PIN1: variants seen among roughly 807,000 people sequenced by gnomAD.
PIN1 encodes peptidylprolyl cis/trans isomerase, NIMA-interacting 1.
Under a neutral mutation model 19.9 loss-of-function variants are expected in PIN1, and 8 were observed. That is an observed-to-expected ratio of 0.40 (90% CI 0.24 to 0.72). The LOEUF (loss-of-function observed/expected upper bound fraction) is 0.72, where lower values mean the gene tolerates loss of function less well. PIN1 is among the 30% of genes least tolerant of loss of function. The pLI is 0.37. For missense variants in PIN1, 185 were observed against 226.5 expected, an observed-to-expected ratio of 0.82 and a Z score of 1.18; for synonymous variants, 86 against 90.8, an observed-to-expected ratio of 0.95 and a Z score of 0.30.
intron 1 of PIN1, 71 bp downstream of exon 1, chr19:9,835,473 G>C: frequency 5.4e-6 from 6 of 1,109,260 alleles, no homozygotes; most frequent in Non-Finnish European, 7.2e-6. Flanking sequence ...TCGCCCCTTG[G>C]GCGCGGCGGC....
Position 9,848,212 on chromosome 19 carries a change from G to A in PIN1, c.382+72G>A, listed in dbSNP as rs765604593. 7 of 876,474 alleles carry A rather than the reference G, an allele frequency of 8.0e-6. No homozygotes were observed. The East Asian group carries it at 1.8e-4, about 22-fold the overall frequency. The allele number at this position is 876,474 out of a possible 1,614,324, so 54.3% of individuals were successfully genotyped here. ...TGAGGGGTAGAGGCCAGGAGGGTCT[G>A]GGCATTGGGCTCCCAGGTGCCACAC... On this transcript the variant is annotated intron_variant, in intron 3 of 3. Transcript: ENST00000247970.
chr19:9,847,706 A>G (rs59557586), intron 2 of PIN1, among the ~76,000 whole-genome samples: 645 of 50,402 alleles, frequency 0.013, 4 homozygotes, highest in African/African-American at 0.026. Context: ...GTGTGTGTGC[A>G]TGTGTGTGTG....
At position 9,849,365 on chromosome 19, in the gene PIN1, T is replaced by C. The variant is rs1599457218; in HGVS notation, c.*166T>C. Reference sequence around the variant, plus strand: ...GGGGGCCCTTCCAGATTGGGGGCCCTGGGGTCCCCACTCCCTGTCCATCCC... The same window carrying C: ...GGGGGCCCTTCCAGATTGGGGGCCCCGGGGTCCCCACTCCCTGTCCATCCC... On this transcript the variant is annotated 3_prime_UTR_variant, in exon 4 of 4. Transcript: ENST00000247970. The C allele has an allele frequency of 1.4e-6, 1 of 711,316 alleles. No individual in the cohort carries two copies. Among genetic ancestry groups the C allele is most frequent in the Non-Finnish European group, 2.6e-6 (1 of 391,420 alleles). The allele number at this position is 711,316 out of a possible 1,614,324, so 44.1% of individuals were successfully genotyped here.
In PIN1 at chr19:9,839,785, G is replaced by C. The variant is rs983806593; in HGVS notation, c.271+1137G>C. On this transcript the variant is annotated intron_variant, in intron 2 of 3. Coordinates refer to ENST00000247970, the MANE Select transcript of PIN1 (RefSeq NM_006221.4). ...CCCACCCTGTGCGGGAGGATCACTTGAGCCCAGGAGTTTGAGACCAGCTTG... is the reference window on the plus strand; with the variant it reads ...CCCACCCTGTGCGGGAGGATCACTTCAGCCCAGGAGTTTGAGACCAGCTTG... Among the ~76,000 whole-genome samples the C allele has an allele frequency of 7.2e-5, 11 of 152,170 alleles. No homozygotes were observed. In the East Asian group the frequency reaches 2.1e-3, roughly 29 times the overall value.
At chr19:9,847,987 C>G (rs571699083) in intron 2 of PIN1, 43 bp from the exon 3 acceptor site, 38 of 1,301,098 alleles carry the variant, frequency 2.9e-5, no homozygotes, top group African/African-American at 7.3e-5. Context: ...CAGGCCCCCC[C>G]CAACCCCTGA....
At chr19:9,847,134 G>A (rs2046226747) in intron 2 of PIN1, among the ~76,000 whole-genome samples, 1 of 152,086 alleles carries the variant, frequency 6.6e-6, no homozygotes, top group Non-Finnish European at 1.5e-5. Context: ...GCACAAGACT[G>A]CATACACACA....
In PIN1 at chr19:9,846,472, G is replaced by A. The variant is rs145266129; in HGVS notation, c.272-1558G>A. On this transcript the variant is annotated intron_variant, in intron 2 of 3. Coordinates refer to ENST00000247970, the MANE Select transcript of PIN1 (RefSeq NM_006221.4). The surrounding 1 kb of genome is among the most constrained non-coding windows in gnomAD (Gnocchi z 5.9). ...CACAGGGATGTCAGGGCAGCAGGTC[G>A]TGGTGACATCCAGCTCAGATACCAG... 7.7e-4 allele frequency among the ~76,000 whole-genome samples: 117 copies of A among 152,310 alleles called. No homozygotes were observed. Among genetic ancestry groups the A allele is most frequent in the Non-Finnish European group, 1.4e-3 (94 of 68,018 alleles).
Position 9,838,252 on chromosome 19 carries a change from G to C in PIN1, c.59-184G>C, listed in dbSNP as rs992342737. Reference sequence around the variant, plus strand: ...CTAGAATGTTAGCTCTCTAAGGGCAGGGACTGTATCCTGCCACATTGGCCC... The same window carrying C: ...CTAGAATGTTAGCTCTCTAAGGGCACGGACTGTATCCTGCCACATTGGCCC... On this transcript the variant is annotated intron_variant, in intron 1 of 3. Coordinates refer to ENST00000247970, the MANE Select transcript of PIN1 (RefSeq NM_006221.4). This position sits in a 1 kb window ranked among gnomAD's most constrained non-coding sequence, Gnocchi z 5.8. 1.5e-6 allele frequency: 1 copy of C among 670,968 alleles called. No individual in the cohort carries two copies. Among genetic ancestry groups the C allele is most frequent in the Admixed American group, 2.2e-5 (1 of 45,856 alleles). The allele number at this position is 670,968 out of a possible 1,614,324, so 41.6% of individuals were successfully genotyped here. A position where few individuals can be genotyped will look rare whatever the true frequency, so the allele number is the denominator to read the frequency against.
At chr19:9,842,630 C>T (rs2145414055) in intron 2 of PIN1, among the ~76,000 whole-genome samples, 1 of 152,340 alleles carries the variant, frequency 6.6e-6, no homozygotes, top group East Asian at 1.9e-4. Context: ...CACACGACCT[C>T]CCTCTCCTGG....
intron 2 of PIN1, among the ~76,000 whole-genome samples, chr19:9,845,061 T>C (rs1351213159): frequency 6.6e-6 from 1 of 152,060 alleles, no homozygotes; most frequent in African/African-American, 2.4e-5. Context: ...GGGAGGCTTC[T>C]TGGGGAGACC....
intron 2 of PIN1, 110 bp from the exon 3 acceptor site, chr19:9,847,920 C>A: frequency 1.3e-6 from 1 of 748,406 alleles, no homozygotes; most frequent in Non-Finnish European, 2.4e-6. Context: ...GGAGGCTTTC[C>A]AACTGAAGTG....
chr19:9,839,389 C>G (rs1012225358), intron 2 of PIN1, among the ~76,000 whole-genome samples: 9 of 148,660 alleles, frequency 6.1e-5, no homozygotes, highest in Non-Finnish European at 1.2e-4. Context: ...CCACTCCAGC[C>G]TGGGCAGCAA....
intron 2 of PIN1, among the ~76,000 whole-genome samples, chr19:9,841,115 T>G (rs1011384663): frequency 6.6e-6 from 1 of 152,190 alleles, no homozygotes; most frequent in African/African-American, 2.4e-5. Context: ...GGCTGTTGTT[T>G]TACTCTCTCA....
intron 2 of PIN1, among the ~76,000 whole-genome samples, chr19:9,845,190 G>A (rs2046207730): frequency 1.3e-5 from 2 of 152,112 alleles, no homozygotes. Flanking sequence ...AAGACACACA[G>A]GACCAAACCC....
At chr19:9,847,386 C>G (rs1418278409) in intron 2 of PIN1, among the ~76,000 whole-genome samples, 1 of 152,172 alleles carries the variant, frequency 6.6e-6, no homozygotes, top group African/African-American at 2.4e-5. Context: ...AGCATGCAGA[C>G]TGTAGGTGGG....
rs189707469 is a variant in PIN1, at chr19:9,839,657, T to C, written c.271+1009T>C. Among the ~76,000 whole-genome samples the C allele has an allele frequency of 5.6e-4, 85 of 152,344 alleles. No individual in the cohort carries two copies. The East Asian group carries it at 0.016, about 28-fold the overall frequency. On this transcript the variant is annotated intron_variant, in intron 2 of 3. Coordinates refer to ENST00000247970, the MANE Select transcript of PIN1 (RefSeq NM_006221.4). ...ATGTAAGCAAGCACATGGTCATGGCTGTGTGCCAAGAAAACTTTACTATTT... is the reference window on the plus strand; with the variant it reads ...ATGTAAGCAAGCACATGGTCATGGCCGTGTGCCAAGAAAACTTTACTATTT...
chr19:9,844,761 A>C (rs1228323501), intron 2 of PIN1, among the ~76,000 whole-genome samples: 5 of 152,162 alleles, frequency 3.3e-5, no homozygotes, highest in African/African-American at 1.2e-4. Flanking sequence ...TCGCAGCCTG[A>C]GTTTCAGGCA....
rs116390698 is a variant in PIN1, at chr19:9,842,095, G to C, written c.271+3447G>C. ...GGTACCTGCAGATTCTGGAATGTCA[G>C]CAGGAGCCTTGCCTGCCCACCTGGT... is the stretch of plus-strand genomic sequence containing the variant. On this transcript the variant is annotated intron_variant, in intron 2 of 3. Transcript: ENST00000247970. Among the ~76,000 whole-genome samples the C allele has an allele frequency of 8.2e-3, 1,255 of 152,332 alleles. 20 individuals carry two copies. Among genetic ancestry groups the C allele is most frequent in the African/African-American group, 0.029 (1,201 of 41,578 alleles).
chr19:9,846,289 A>T lies in PIN1; in HGVS notation c.272-1741A>T, dbSNP rs1310024279. On this transcript the variant is annotated intron_variant, in intron 2 of 3. Coordinates refer to ENST00000247970, the MANE Select transcript of PIN1 (RefSeq NM_006221.4). The surrounding 1 kb of genome is among the most constrained non-coding windows in gnomAD (Gnocchi z 5.9). ...CACGTGGGCCGGCAGGGCCAAGGATAGGGAGAGCAGAGCAGTAGAGGCTGC... is the reference window on the plus strand; with the variant it reads ...CACGTGGGCCGGCAGGGCCAAGGATTGGGAGAGCAGAGCAGTAGAGGCTGC... 6.6e-6 allele frequency among the ~76,000 whole-genome samples: 1 copy of T among 152,034 alleles called. No homozygotes were observed. Among genetic ancestry groups the T allele is most frequent in the Non-Finnish European group, 1.5e-5 (1 of 68,004 alleles).
Sources: allele counts gnomAD v4.1 joint callset (sites outside exome capture counted in the v4.1 genomes callset), GRCh38; gene constraint gnomAD v4.1.1; non-coding constraint Gnocchi (gnomAD v3.1); transcripts MANE v1.5; gene names NCBI Gene and HGNC (gene_info 2026-07-23, HGNC 2026-07-21).